Variants in PRKACB observed in about 807,000 individuals in gnomAD.
PRKACB encodes protein kinase cAMP-activated catalytic subunit beta, also known as cAMP-dependent protein kinase catalytic subunit beta.
In PRKACB, 16 loss-of-function variants were observed where a neutral mutation model predicts 51.4. That is an observed-to-expected ratio of 0.31 (90% confidence interval 0.21 to 0.47). PRKACB has a LOEUF of 0.47. Among genes scored for constraint, PRKACB ranks in the 20% least tolerant of loss-of-function variants. The probability of loss-of-function intolerance (pLI) is 1.00; values close to 1 mark genes in which losing one functional copy is unlikely to be tolerated. For missense variants in PRKACB, 309 were observed against 464.5 expected (o/e 0.67, Z 3.08); for synonymous variants, 147 against 154.4 (o/e 0.95, Z 0.35).
At chr1:84,162,462 T>C (rs1280161698) in intron 1 of PRKACB, among the ~76,000 whole-genome samples, 1 of 152,024 alleles carries the variant, frequency 6.6e-6, no homozygotes, top group African/African-American at 2.4e-5. Flanking sequence ...TCTCAGGCTC[T>C]GTCCACTTTT....
At chr1:84,178,184 G>A (rs74896440) in intron 1 of PRKACB, among the ~76,000 whole-genome samples, 2,208 of 151,980 alleles carry the variant, frequency 0.015, 61 homozygotes, top group African/African-American at 0.049. Context: ...TTTAAAATAG[G>A]TACCTATCTC....
chr1:84,136,245 A>G (rs557870244), intron 1 of PRKACB, among the ~76,000 whole-genome samples: 14 of 152,112 alleles, frequency 9.2e-5, no homozygotes, highest in Admixed American at 4.6e-4. Context: ...TTTAAAAATT[A>G]TAATTAATAA....
At chr1:84,101,717 G>T (rs1007560608) in intron 1 of PRKACB, among the ~76,000 whole-genome samples, 1 of 152,162 alleles carries the variant, frequency 6.6e-6, no homozygotes, top group African/African-American at 2.4e-5. Context: ...CGATGTTGAA[G>T]CTAGTTACTG....
At chr1:84,148,843 A>C (rs907871803) in intron 1 of PRKACB, among the ~76,000 whole-genome samples, 2 of 152,214 alleles carry the variant, frequency 1.3e-5, no homozygotes, top group Admixed American at 1.3e-4. Flanking sequence ...TACTATATCA[A>C]CTGTACTAAC....
At chr1:84,233,233 A>G (rs1320459923) in intron 9 of PRKACB, among the ~76,000 whole-genome samples, 2 of 151,854 alleles carry the variant, frequency 1.3e-5, no homozygotes, top group Non-Finnish European at 2.9e-5. Context: ...AGAATGTTGA[A>G]TATTGGCACC....
rs2100734585 is a variant in PRKACB, at chr1:84,080,722, A to G, written c.46+2351A>G. ...ATTATTCTTGAAAATTTGTTTTTCA[A>G]AACTTTTAGAAATATATGATGTTAG... On this transcript the variant is annotated intron_variant, in intron 1 of 8. Transcript: ENST00000370688. 3.3e-5 allele frequency among the ~76,000 whole-genome samples: 5 copies of G among 152,268 alleles called. No individual in the cohort carries two copies. The South Asian group carries it at 1.0e-3, about 32-fold the overall frequency.
At position 84,185,107 on chromosome 1, in the gene PRKACB, C is replaced by A; in HGVS notation, c.485C>A (p.Ser162Tyr). The change falls in exon 5 of 10, where the codon TCT becomes TAT. Residue 162 changes from serine (S) to tyrosine (Y), a missense_variant. Transcript: ENST00000370685. ...VRLEYAFKDN[S>Y]NLYMVMEYVP... The stretch of plus-strand genomic sequence containing the variant: ...CTTTTTATTTGTTCATAGGATAATT[C>A]TAATTTATACATGGTTATGGAATAT... The A allele has an allele frequency of 1.4e-6, 2 of 1,474,502 alleles. No homozygotes were observed. Among genetic ancestry groups the A allele is most frequent in the South Asian group, 2.6e-5 (2 of 75,578 alleles). The allele number at this position is 1,474,502 out of a possible 1,614,324, so 91.3% of individuals were successfully genotyped here. A position where few individuals can be genotyped will look rare whatever the true frequency, so the allele number is the denominator to read the frequency against.
intron 1 of PRKACB, among the ~76,000 whole-genome samples, chr1:84,152,145 G>T (rs1203497918): frequency 6.6e-6 from 1 of 152,168 alleles, no homozygotes; most frequent in South Asian, 2.1e-4. Flanking sequence ...GGGTGATCAG[G>T]TGCATTGTCA....
intron 8 of PRKACB, among the ~76,000 whole-genome samples, chr1:84,210,708 G>A (rs1218607806): frequency 6.6e-6 from 1 of 152,112 alleles, no homozygotes; most frequent in Non-Finnish European, 1.5e-5. Flanking sequence ...AAATTAGATA[G>A]TCGCTCTTCC....
intron 3 of PRKACB, among the ~76,000 whole-genome samples, chr1:84,182,711 G>T (rs1161624557): frequency 6.6e-6 from 1 of 151,972 alleles, no homozygotes; most frequent in African/African-American, 2.4e-5. Flanking sequence ...ATGATTTAAA[G>T]TATATGGACA....
In PRKACB at chr1:84,080,706, G is replaced by C. The variant is rs539384147; in HGVS notation, c.46+2335G>C. Among the ~76,000 whole-genome samples the C allele has an allele frequency of 2.6e-5, 4 of 152,212 alleles. No homozygotes were observed. The South Asian group carries it at 8.3e-4, about 32-fold the overall frequency. On this transcript the variant is annotated intron_variant, in intron 1 of 8. Transcript: ENST00000370688. ...GTGTATTTTTTAAAGAATTATTCTTGAAAATTTGTTTTTCAAAACTTTTAG... is the reference window on the plus strand; with the variant it reads ...GTGTATTTTTTAAAGAATTATTCTTCAAAATTTGTTTTTCAAAACTTTTAG...
At chr1:84,136,228 T>C (rs956299076) in intron 1 of PRKACB, among the ~76,000 whole-genome samples, 1 of 151,948 alleles carries the variant, frequency 6.6e-6, no homozygotes, top group African/African-American at 2.4e-5. Context: ...AAAAATTGAA[T>C]CGATTATTTA....
At chr1:84,207,422 T>G (rs1048161867) in intron 8 of PRKACB, among the ~76,000 whole-genome samples, 1 of 152,222 alleles carries the variant, frequency 6.6e-6, no homozygotes, top group Non-Finnish European at 1.5e-5. Context: ...CCAGGTCTTA[T>G]GAGGTAGTGT....
chr1:84,131,287 T>C (rs1460282169), intron 1 of PRKACB, among the ~76,000 whole-genome samples: 3 of 149,986 alleles, frequency 2.0e-5, no homozygotes, highest in Admixed American at 1.3e-4. Context: ...GGGGTTGCAA[T>C]GAGCCGAGAT....
chr1:84,173,803 A>G (rs1660328123), intron 1 of PRKACB, among the ~76,000 whole-genome samples: 1 of 151,908 alleles, frequency 6.6e-6, no homozygotes, highest in Non-Finnish European at 1.5e-5. Flanking sequence ...TTATCTTTTC[A>G]GTAACAAATT....
chr1:84,172,922 T>C (rs1030138742), intron 1 of PRKACB, among the ~76,000 whole-genome samples: 8 of 151,740 alleles, frequency 5.3e-5, no homozygotes, highest in Non-Finnish European at 1.0e-4. Flanking sequence ...AAGGTAGGCA[T>C]AGTCCAATCC....
At chr1:84,103,634 C>G (rs1328916522) in intron 1 of PRKACB, among the ~76,000 whole-genome samples, 2 of 152,132 alleles carry the variant, frequency 1.3e-5, no homozygotes, top group African/African-American at 4.8e-5. Flanking sequence ...AGCTTAGACC[C>G]CAGACATTGT....
chr1:84,110,703 C>A (rs1323895703), intron 1 of PRKACB, among the ~76,000 whole-genome samples: 1 of 152,006 alleles, frequency 6.6e-6, no homozygotes, highest in East Asian at 1.9e-4. Context: ...CTAATTACTT[C>A]ATGTTCTGTC....
intron 1 of PRKACB, among the ~76,000 whole-genome samples, chr1:84,117,348 A>G (rs1650716863): frequency 6.6e-6 from 1 of 151,894 alleles, no homozygotes; most frequent in Non-Finnish European, 1.5e-5. Flanking sequence ...TTCCTCTTTG[A>G]TCTTTTGGAA....
Sources: allele counts gnomAD v4.1 joint callset (sites outside exome capture counted in the v4.1 genomes callset), GRCh38; gene constraint gnomAD v4.1.1; transcripts MANE v1.5; gene names NCBI Gene and HGNC (gene_info 2026-07-23, HGNC 2026-07-21).